The following CLVS1 variants were observed in gnomAD, a reference collection of about 807,000 sequenced individuals.
CLVS1 encodes the protein clavesin-1.
A neutral mutation model predicts 33.1 loss-of-function variants in CLVS1; 10 were observed. The observed-to-expected ratio is 0.30, with a 90% CI of 0.19 to 0.51. CLVS1 has a LOEUF of 0.51. CLVS1 is among the 20% of genes least tolerant of loss of function. The pLI is 0.97. For synonymous variants in CLVS1, 163 were observed against 166.1 expected (o/e 0.98, Z 0.14); for missense variants, 343 against 433.4 (o/e 0.79, Z 1.85).
the CLVS1 span, among the ~76,000 whole-genome samples, chr8:60,985,383 C>G: frequency 6.6e-6 from 1 of 152,184 alleles, no homozygotes; most frequent in South Asian, 2.1e-4. Context: ...GAGAGCTCCA[C>G]CTTGATCGCC....
chr8:61,269,864 G>A (rs1451760774), intron 2 of CLVS1, among the ~76,000 whole-genome samples: 7 of 150,280 alleles, frequency 4.7e-5, no homozygotes, highest in African/African-American at 1.7e-4. Context: ...CATTGATTTT[G>A]TATCCTGAGA....
At chr8:61,183,147 CA>C (rs199762903) in intron 2 of CLVS1, among the ~76,000 whole-genome samples, 1 of 86,220 alleles carries the variant, frequency 1.2e-5, no homozygotes, top group Non-Finnish European at 2.8e-5. Flanking sequence ...GGCCTGTGGG[CA>C]GGGCGGAGGG....
chr8:61,357,165 T>C (rs759476322), intron 2 of CLVS1, among the ~76,000 whole-genome samples: 5 of 152,194 alleles, frequency 3.3e-5, no homozygotes, highest in African/African-American at 4.8e-5. Context: ...TATTTTATTC[T>C]CTTTGAAGCA....
At chr8:61,065,942 G>A (rs1179335877) in intron 1 of CLVS1, among the ~76,000 whole-genome samples, 1 of 152,166 alleles carries the variant, frequency 6.6e-6, no homozygotes, top group Non-Finnish European at 1.5e-5. Context: ...TTGTGACATG[G>A]AATAATCCTC....
chr8:61,365,583 G>A (rs1813169306), intron 2 of CLVS1, among the ~76,000 whole-genome samples: 2 of 152,054 alleles, frequency 1.3e-5, no homozygotes, highest in African/African-American at 4.8e-5. Context: ...TAGGAGTAAT[G>A]TGACCATCTT....
At chr8:61,284,277 G>A (rs976850907), upstream of CLVS1, among the ~76,000 whole-genome samples, 1 of 152,168 alleles carries the variant, frequency 6.6e-6, no homozygotes, top group Middle Eastern at 3.2e-3. Context: ...TGTTAGAGAG[G>A]ATGAATAAGT....
In CLVS1 at chr8:61,105,624, C is replaced by G. The variant is rs549046047; in HGVS notation, c.-242-26146C>G. Among the ~76,000 whole-genome samples the G allele has an allele frequency of 8.5e-5, 13 of 152,282 alleles. No homozygotes were observed. In the South Asian group the frequency reaches 2.7e-3, roughly 32 times the overall value. On this transcript the variant is annotated intron_variant, in intron 1 of 2. Coordinates refer to the CLVS1 transcript ENST00000522621. ...TCTCTGTGCCCTGAATAAGGCCTCA[C>G]AAATACTTGTAGAGACTGTCATTTG... is the stretch of plus-strand genomic sequence containing the variant.
chr8:61,150,475 C>T (rs1185307103), intron 2 of CLVS1, among the ~76,000 whole-genome samples: 1 of 152,206 alleles, frequency 6.6e-6, no homozygotes, highest in African/African-American at 2.4e-5. Context: ...CACCTCACCC[C>T]CACATCCAGT....
intron 2 of CLVS1, among the ~76,000 whole-genome samples, chr8:61,257,958 A>ATGG (rs1234289978): frequency 6.6e-6 from 1 of 152,012 alleles, no homozygotes; most frequent in Non-Finnish European, 1.5e-5. Flanking sequence ...GGTGATGATG[A>ATGG]TGGTGGTGGT....
At chr8:61,185,719 G>T (rs1047927927) in intron 2 of CLVS1, among the ~76,000 whole-genome samples, 2 of 152,036 alleles carry the variant, frequency 1.3e-5, no homozygotes, top group African/African-American at 4.8e-5. Flanking sequence ...AGAAATCTTG[G>T]TTTTGGCAAC....
chr8:61,393,438 C>A (rs998052821), intron 3 of CLVS1, among the ~76,000 whole-genome samples: 3 of 152,124 alleles, frequency 2.0e-5, no homozygotes, highest in African/African-American at 7.2e-5. Flanking sequence ...GTAAACACTG[C>A]TGGAGAGCTA....
At chr8:61,245,597 T>A (rs1247837768) in intron 2 of CLVS1, among the ~76,000 whole-genome samples, 1 of 151,988 alleles carries the variant, frequency 6.6e-6, no homozygotes, top group Non-Finnish European at 1.5e-5. Flanking sequence ...ATTACAGATA[T>A]ACTGGGGCAA....
At chr8:61,297,224 T>C (rs1810245700) in intron 1 of CLVS1, among the ~76,000 whole-genome samples, 1 of 152,132 alleles carries the variant, frequency 6.6e-6, no homozygotes, top group African/African-American at 2.4e-5. Flanking sequence ...ATGCTAATGA[T>C]GGATATTAAT....
the CLVS1 span, among the ~76,000 whole-genome samples, chr8:60,978,964 A>G: frequency 1.3e-5 from 2 of 152,174 alleles, no homozygotes; most frequent in Non-Finnish European, 2.9e-5. Context: ...GTGGATTCTC[A>G]CAATCCAGCC....
chr8:61,050,751 C>A, the CLVS1 span, among the ~76,000 whole-genome samples: 1 of 152,240 alleles, frequency 6.6e-6, no homozygotes, highest in East Asian at 1.9e-4. Flanking sequence ...TTAGCTTCGT[C>A]ATTGGTTTCC....
At chr8:61,122,604 ACACACAC>A (rs1444464828) in intron 1 of CLVS1, among the ~76,000 whole-genome samples, 20 of 151,056 alleles carry the variant, frequency 1.3e-4, no homozygotes, top group African/African-American at 4.9e-4. Context: ...ACACACACAC[ACACACAC>A]AAGAAAACAG....
intron 5 of CLVS1, among the ~76,000 whole-genome samples, chr8:61,468,695 C>T (rs1346377259): frequency 3.6e-5 from 5 of 138,556 alleles, no homozygotes; most frequent in Non-Finnish European, 7.5e-5. Flanking sequence ...TCTGATATCC[C>T]AGCCATATAA....
At chr8:61,417,945 T>C (rs1281570426) in intron 3 of CLVS1, among the ~76,000 whole-genome samples, 1 of 152,234 alleles carries the variant, frequency 6.6e-6, no homozygotes, top group African/African-American at 2.4e-5. Flanking sequence ...TCTTATCCCC[T>C]GGTCCCAGAG....
At chr8:61,433,116 G>A (rs1277858894) in intron 3 of CLVS1, among the ~76,000 whole-genome samples, 1 of 152,134 alleles carries the variant, frequency 6.6e-6, no homozygotes. Flanking sequence ...ACCACACCTG[G>A]CTAACTTTTG....
Sources: gnomAD v4.1 joint callset for allele counts (sites outside exome capture counted in the v4.1 genomes callset) on GRCh38, gnomAD v4.1.1 for gene constraint, MANE v1.5 for transcripts, NCBI Gene and HGNC (gene_info 2026-07-23, HGNC 2026-07-21) for gene names.